Variants in RBFOX1 observed in about 807,000 individuals in gnomAD.
The protein encoded by RBFOX1 is RNA binding fox-1 homolog 1, also known as RNA binding protein fox-1 homolog 1.
In RBFOX1, 8 loss-of-function variants were observed where a neutral mutation model predicts 57.7. The observed-to-expected ratio is 0.14, with a 90% CI of 0.08 to 0.25. RBFOX1 has a LOEUF of 0.25. Among genes scored for constraint, RBFOX1 ranks in the 10% least tolerant of loss-of-function variants. RBFOX1 has a pLI of 1.00. For synonymous variants in RBFOX1, 326 were observed against 222.4 expected (o/e 1.47, Z -4.15); for missense variants, 611 against 548.5 (o/e 1.11, Z -1.14).
chr16:6,061,904 G>T (rs936837253), intron 1 of RBFOX1, among the ~76,000 whole-genome samples: 2 of 152,044 alleles, frequency 1.3e-5, no homozygotes, highest in African/African-American at 2.4e-5. Context: ...GGATTCTGCC[G>T]CCAAGACTGC....
chr16:5,338,878 A>G (rs757664938), intron 1 of RBFOX1, among the ~76,000 whole-genome samples: 1 of 152,120 alleles, frequency 6.6e-6, no homozygotes, highest in Non-Finnish European at 1.5e-5. Context: ...CCTGACCTCA[A>G]GCAATCCTCC....
intron 3 of RBFOX1, among the ~76,000 whole-genome samples, chr16:6,918,867 C>G (rs1430212249): frequency 3.3e-5 from 5 of 152,034 alleles, no homozygotes; most frequent in African/African-American, 1.2e-4. Flanking sequence ...TGGCCCTTAC[C>G]TGATGTAACA....
At chr16:5,828,454 C>T (rs1241171600) in intron 3 of RBFOX1, among the ~76,000 whole-genome samples, 1 of 152,104 alleles carries the variant, frequency 6.6e-6, no homozygotes, top group African/African-American at 2.4e-5. Context: ...AATTCCAGCA[C>T]TTTGGGAGGC....
chr16:5,659,199 T>C (rs976583873), intron 3 of RBFOX1, among the ~76,000 whole-genome samples: 1 of 152,144 alleles, frequency 6.6e-6, no homozygotes, highest in Non-Finnish European at 1.5e-5. Context: ...ATTATGGCCA[T>C]TCTTGCAGGC....
chr16:5,554,767 A>G (rs1597503017), intron 2 of RBFOX1, among the ~76,000 whole-genome samples: 1 of 152,338 alleles, frequency 6.6e-6, no homozygotes, highest in East Asian at 1.9e-4. Flanking sequence ...CAAGGAATGA[A>G]TGCTTGACAC....
At chr16:6,588,013 T>C (rs2097654455) in intron 2 of RBFOX1, among the ~76,000 whole-genome samples, 1 of 152,036 alleles carries the variant, frequency 6.6e-6, no homozygotes, top group African/African-American at 2.4e-5. Flanking sequence ...ATGGATCACC[T>C]GAGGTCAGGA....
intron 4 of RBFOX1, among the ~76,000 whole-genome samples, chr16:7,253,518 C>A (rs2094565928): frequency 6.6e-6 from 1 of 152,174 alleles, no homozygotes; most frequent in African/African-American, 2.4e-5. Context: ...CACTTCCTTT[C>A]TAACCATCTG....
chr16:6,742,293 T>A (rs12596805), intron 3 of RBFOX1, among the ~76,000 whole-genome samples: 19,507 of 152,200 alleles, frequency 0.13, 1,386 homozygotes, highest in South Asian at 0.22. Context: ...CATATCATTA[T>A]ACACATGTTA....
At chr16:5,631,841 G>C (rs1474893390) in intron 3 of RBFOX1, among the ~76,000 whole-genome samples, 1 of 152,136 alleles carries the variant, frequency 6.6e-6, no homozygotes, top group Non-Finnish European at 1.5e-5. Context: ...GTCAAAATTT[G>C]GCCAAAGGCA....
At chr16:5,980,106 G>T (rs959439340) in intron 4 of RBFOX1, among the ~76,000 whole-genome samples, 1 of 152,190 alleles carries the variant, frequency 6.6e-6, no homozygotes, top group Admixed American at 6.5e-5. Flanking sequence ...TCTGCCAGCA[G>T]CCTTTCTCTG....
At chr16:5,490,078 C>G (rs114388375) in intron 2 of RBFOX1, among the ~76,000 whole-genome samples, 9 of 152,198 alleles carry the variant, frequency 5.9e-5, no homozygotes, top group Non-Finnish European at 8.8e-5. Context: ...CTGAACCTGT[C>G]CTCAGCTTCT....
chr16:5,979,590 A>G (rs986296714), intron 4 of RBFOX1, among the ~76,000 whole-genome samples: 1 of 152,196 alleles, frequency 6.6e-6, no homozygotes, highest in South Asian at 2.1e-4. Context: ...CTGGCTGGGC[A>G]TGGTGGCTCA....
At chr16:5,757,751 G>C (rs544829995) in intron 3 of RBFOX1, among the ~76,000 whole-genome samples, 4 of 152,310 alleles carry the variant, frequency 2.6e-5, no homozygotes, top group Non-Finnish European at 4.4e-5. Context: ...GATGTGGAAA[G>C]TGAGGCTTGA....
intron 2 of RBFOX1, among the ~76,000 whole-genome samples, chr16:6,319,909 T>A (rs895763962): frequency 6.6e-6 from 1 of 152,208 alleles, no homozygotes; most frequent in African/African-American, 2.4e-5. Context: ...ATTAATTAAT[T>A]GTGCAAACTT....
intron 3 of RBFOX1, among the ~76,000 whole-genome samples, chr16:6,868,931 T>G (rs1219599182): frequency 1.3e-5 from 2 of 152,210 alleles, no homozygotes; most frequent in Non-Finnish European, 2.9e-5. Flanking sequence ...CCACATTTTC[T>G]AGCCCTTGCC....
At chr16:5,317,912 C>T (rs1393465275) in intron 1 of RBFOX1, among the ~76,000 whole-genome samples, 11 of 152,164 alleles carry the variant, frequency 7.2e-5, no homozygotes, top group African/African-American at 2.2e-4. Context: ...AACTCTATAT[C>T]CTAAGCAATA....
chr16:5,820,593 G>T (rs1010092385), intron 3 of RBFOX1, among the ~76,000 whole-genome samples: 1 of 152,166 alleles, frequency 6.6e-6, no homozygotes, highest in African/African-American at 2.4e-5. Context: ...CTTGGCGGTT[G>T]TCAGAGGGCA....
At chr16:6,960,833 A>G (rs117711500) in intron 3 of RBFOX1, among the ~76,000 whole-genome samples, 1,946 of 152,132 alleles carry the variant, frequency 0.013, 26 homozygotes, top group Non-Finnish European at 0.022. Flanking sequence ...AACAAAGTCA[A>G]AGAGATTAAA....
At chr16:5,414,892 C>A (rs187481282) in intron 1 of RBFOX1, among the ~76,000 whole-genome samples, 1 of 152,176 alleles carries the variant, frequency 6.6e-6, no homozygotes, top group Admixed American at 6.5e-5. Flanking sequence ...TCCTAAGCTT[C>A]ATCCAATAAA....
Sources: gnomAD v4.1 joint callset for allele counts (sites outside exome capture counted in the v4.1 genomes callset) on GRCh38, gnomAD v4.1.1 for gene constraint, MANE v1.5 for transcripts, NCBI Gene and HGNC (gene_info 2026-07-23, HGNC 2026-07-21) for gene names.